Variants in ADAMTS13 observed in about 807,000 individuals in gnomAD.
ADAMTS13 encodes ADAM metallopeptidase with thrombospondin type 1 motif 13, also known as A disintegrin and metalloproteinase with thrombospondin motifs 13.
A neutral mutation model predicts 155.1 loss-of-function variants in ADAMTS13; 110 were observed. The ratio of observed to expected loss-of-function variants is 0.71; its 90% CI spans 0.61 to 0.83. ADAMTS13 has a LOEUF of 0.83. Ranked by LOEUF, ADAMTS13 falls within the 40% of genes least tolerant of loss-of-function variation. The pLI, the probability that ADAMTS13 is intolerant of heterozygous loss-of-function variation, is 0.00. For missense variants in ADAMTS13, 1,707 were observed against 1,891.7 expected, an observed-to-expected ratio of 0.90 and a Z score of 1.81; for synonymous variants, 758 against 756.4, an observed-to-expected ratio of 1.00 and a Z score of -0.03.
In ADAMTS13 at chr9:133,425,552, G is replaced by A. The variant is rs28571612; in HGVS notation, c.354G>A (p.Pro118=). 0.073 allele frequency: 116,972 copies of A among 1,613,360 alleles called. 4,962 individuals are homozygous for A. The highest frequency in any genetic ancestry group is 0.086 in the Non-Finnish European group (101,747 of 1,179,808). Residue 118 remains proline, a synonymous_variant, in exon 4 of 29, where the codon CCG becomes CCA. Coordinates refer to ENST00000355699, the MANE Select transcript of ADAMTS13 (RefSeq NM_139027.6). The surrounding 1 kb of genome is among the most constrained non-coding windows in gnomAD (Gnocchi z 4.6). Reference sequence around the variant, plus strand: ...AGGGGGCAGAACTGCTTCGGGACCCGTCCCTGGGGGCTCAGTTTCGGGTGC... The same window carrying A: ...AGGGGGCAGAACTGCTTCGGGACCCATCCCTGGGGGCTCAGTTTCGGGTGC... ...LNIGAELLRD[P]SLGAQFRVHL...
Position 133,425,154 on chromosome 9 carries a change from G to A in ADAMTS13, c.331-375G>A, listed in dbSNP as rs782121985. ...AGCCTGGCCAACATGGTGAAACCCCGTAGCTACTAAAAATACAAAACTTAG... is the reference window on the plus strand; with the variant it reads ...AGCCTGGCCAACATGGTGAAACCCCATAGCTACTAAAAATACAAAACTTAG... On this transcript the variant is annotated intron_variant, in intron 3 of 28. Transcript: ENST00000355699. This position sits in a 1 kb window ranked among gnomAD's most constrained non-coding sequence, Gnocchi z 4.6. 6.6e-6 allele frequency among the ~76,000 whole-genome samples: 1 copy of A among 152,196 alleles called. No homozygotes were observed.
At chr9:133,437,953 G>T (rs894037411) in intron 13 of ADAMTS13, 56 bp downstream of exon 13, 29 of 1,609,584 alleles carry the variant, frequency 1.8e-5, no homozygotes, top group Non-Finnish European at 1.7e-5. Context: ...CTATCGGAAG[G>T]CTCCTGGGGG....
At position 133,423,294 on chromosome 9, in the gene ADAMTS13, C is replaced by A. The variant is rs1554784128; in HGVS notation, c.172+127C>A. 7.8e-6 allele frequency: 7 copies of A among 892,536 alleles called. No homozygotes were observed. In the African/African-American group the frequency reaches 9.9e-5, roughly 13 times the overall value. 55.3% of individuals were successfully genotyped at this position (892,536 alleles called of 1,614,324 possible). The stretch of plus-strand genomic sequence containing the variant: ...AGGAGAAGGTCAGAGAAGCTGCTGT[C>A]AACCCTGTTAATTAACTCTGTTACT... On this transcript the variant is annotated intron_variant, in intron 2 of 28. Coordinates refer to ENST00000355699, the MANE Select transcript of ADAMTS13 (RefSeq NM_139027.6).
At chr9:133,417,753 T>C (rs782256464), upstream of ADAMTS13, 5 of 1,613,348 alleles carry the variant, frequency 3.1e-6, no homozygotes, top group African/African-American at 6.7e-5. Context: ...TTTCTTCTTG[T>C]TTTTCTTCCG....
intron 6 of ADAMTS13, among the ~76,000 whole-genome samples, chr9:133,426,802 T>C (rs1463768241): frequency 6.4e-5 from 9 of 140,258 alleles, no homozygotes; most frequent in Non-Finnish European, 1.3e-4. Context: ...CTTTTTCTTT[T>C]CTTTTCTTTT....
chr9:133,436,622 T>C (rs36220234), intron 11 of ADAMTS13, among the ~76,000 whole-genome samples: 2,637 of 152,272 alleles, frequency 0.017, 65 homozygotes, highest in African/African-American at 0.052. Flanking sequence ...CTGTGTTCTT[T>C]ACGGATTCCC....
intron 7 of ADAMTS13, chr9:133,429,607 A>G (rs1338976772): frequency 1.3e-5 from 5 of 380,180 alleles, no homozygotes; most frequent in Admixed American, 3.3e-5. Context: ...CCACACCCCT[A>G]TCTCCCCCAC....
At chr9:133,427,250 C>T (rs1006140992) in intron 6 of ADAMTS13, among the ~76,000 whole-genome samples, 10 of 152,208 alleles carry the variant, frequency 6.6e-5, no homozygotes, top group Admixed American at 2.6e-4. Context: ...TGTCTGAACA[C>T]GTCTTCCTGT....
Position 133,459,268 on chromosome 9 carries a change from C to A in ADAMTS13, c.*88C>A. Reference sequence around the variant, plus strand: ...CTTTCCAATTCGAACTTTTTCCAATCTTAGGTATCTACTTTAGAGTCTTCT... The same window carrying A: ...CTTTCCAATTCGAACTTTTTCCAATATTAGGTATCTACTTTAGAGTCTTCT... On this transcript the variant is annotated 3_prime_UTR_variant, in exon 29 of 29. Coordinates refer to ENST00000355699, the MANE Select transcript of ADAMTS13 (RefSeq NM_139027.6). 1 of 1,305,902 alleles carries A rather than the reference C, an allele frequency of 7.7e-7. No homozygotes were observed. The highest frequency in any genetic ancestry group is 1.1e-6 in the Non-Finnish European group (1 of 927,810). The allele number at this position is 1,305,902 out of a possible 1,614,324, so 80.9% of individuals were successfully genotyped here.
chr9:133,434,817 T>C (rs28793911), intron 11 of ADAMTS13, among the ~76,000 whole-genome samples: 39,440 of 152,026 alleles, frequency 0.26, 6,417 homozygotes, highest in South Asian at 0.39. Context: ...TCAGCGGCCA[T>C]TGGTTTCCCT....
In ADAMTS13 at chr9:133,454,561, G is replaced by A; in HGVS notation, c.3191G>A (p.Ser1064Asn). 6.2e-7 allele frequency: 1 copy of A among 1,607,960 alleles called. No individual in the cohort carries two copies. The highest frequency in any genetic ancestry group is 8.5e-7 in the Non-Finnish European group (1 of 1,179,878). ...ACAALVRPEA[S>N]VPCLIADCTY... Reference sequence around the variant, plus strand: ...GCGGCGCTGGTGCGGCCCGAGGCCAGTGTCCCCTGTCTCATTGCCGACTGC... The same window carrying A: ...GCGGCGCTGGTGCGGCCCGAGGCCAATGTCCCCTGTCTCATTGCCGACTGC... Residue 1064 changes from serine (S) to asparagine (N), a missense_variant, in exon 24 of 29, where the codon AGT (serine) becomes AAT (asparagine). Ser to Asn is a conservative substitution (Grantham distance 46). Transcript: ENST00000355699.
chr9:133,456,484 C>T lies in ADAMTS13; in HGVS notation c.3548-59C>T. 6.3e-7 allele frequency: 1 copy of T among 1,591,188 alleles called. No homozygotes were observed. The highest frequency in any genetic ancestry group is 1.1e-5 in the South Asian group (1 of 88,448). ...AACTCGGCTCAGTCTACCCTGGAGC[C>T]ACTCCTCTGCTGACCAGGCGTGGGA... On this transcript the variant is annotated intron_variant, in intron 26 of 28. Coordinates refer to ENST00000355699, the MANE Select transcript of ADAMTS13 (RefSeq NM_139027.6). This position sits in a 1 kb window ranked among gnomAD's most constrained non-coding sequence, Gnocchi z 4.4.
chr9:133,452,817 C>T (rs1055086984), intron 23 of ADAMTS13, among the ~76,000 whole-genome samples: 3 of 152,218 alleles, frequency 2.0e-5, no homozygotes, highest in Non-Finnish European at 4.4e-5. Flanking sequence ...GGCCATCCCT[C>T]TGACGTTGCT....
intron 7 of ADAMTS13, among the ~76,000 whole-genome samples, chr9:133,429,455 A>C (rs1299203776): frequency 6.9e-3 from 159 of 23,000 alleles, no homozygotes; most frequent in Admixed American, 8.4e-3. Context: ...TCCTCCATCC[A>C]CCCCTCCATC....
intron 22 of ADAMTS13, 99 bp from the exon 23 acceptor site, chr9:133,449,684 C>T (rs767257205): frequency 3.8e-4 from 537 of 1,422,166 alleles, no homozygotes; most frequent in South Asian, 5.6e-4. Flanking sequence ...TCCCAGCTTC[C>T]TGTCTCTTCC....
chr9:133,429,889 C>T, intron 7 of ADAMTS13, 50 bp from the exon 8 acceptor site: 2 of 1,534,168 alleles, frequency 1.3e-6, no homozygotes, highest in East Asian at 2.5e-5. Context: ...CCGCCTCCTC[C>T]CGGTGTACAC....
At chr9:133,451,156 C>G (rs1417747169) in intron 23 of ADAMTS13, among the ~76,000 whole-genome samples, 2 of 152,244 alleles carry the variant, frequency 1.3e-5, no homozygotes, top group East Asian at 3.8e-4. Context: ...TTTTCTATAT[C>G]ATACAGAAAC....
chr9:133,420,707 T>A (rs1839919840), upstream of ADAMTS13, among the ~76,000 whole-genome samples: 1 of 152,198 alleles, frequency 6.6e-6, no homozygotes, highest in Non-Finnish European at 1.5e-5. Context: ...TGTGTGACCC[T>A]AGTCAGCAAA....
chr9:133,444,845 G>C lies in ADAMTS13; in HGVS notation c.2421-18G>C. 6.2e-7 allele frequency: 1 copy of C among 1,612,138 alleles called. No individual in the cohort carries two copies. Among genetic ancestry groups the C allele is most frequent in the Non-Finnish European group, 8.5e-7 (1 of 1,179,846 alleles). ...GTGGCAGAGGCAGGGCCTGATGACTGTCTCATGCCATCCTCAGGTGGGAGG... is the reference window on the plus strand; with the variant it reads ...GTGGCAGAGGCAGGGCCTGATGACTCTCTCATGCCATCCTCAGGTGGGAGG... On this transcript the variant is annotated intron_variant, in intron 19 of 28. Transcript: ENST00000355699.
Sources: allele counts gnomAD v4.1 joint callset (sites outside exome capture counted in the v4.1 genomes callset), GRCh38; gene constraint gnomAD v4.1.1; non-coding constraint Gnocchi (gnomAD v3.1); transcripts MANE v1.5; gene names NCBI Gene and HGNC (gene_info 2026-07-23, HGNC 2026-07-21).